SCRN1: variants seen among roughly 807,000 people sequenced by gnomAD.
SCRN1 encodes secernin-1.
A neutral mutation model predicts 43.3 loss-of-function variants in SCRN1; 19 were observed. The ratio of observed to expected loss-of-function variants is 0.44; its 90% CI spans 0.31 to 0.64. The LOEUF (loss-of-function observed/expected upper bound fraction) is 0.64, where lower values mean the gene tolerates loss of function less well. SCRN1 is among the 30% of genes least tolerant of loss of function. The pLI is 0.09. For missense variants in SCRN1, 447 were observed against 524.1 expected (o/e 0.85, Z 1.44); for synonymous variants, 183 against 188.9 (o/e 0.97, Z 0.26).
At chr7:29,971,109 A>C (rs1788653971) in intron 1 of SCRN1, among the ~76,000 whole-genome samples, 2 of 152,162 alleles carry the variant, frequency 1.3e-5, no homozygotes, top group South Asian at 4.1e-4. Context: ...ACAAGTCTGA[A>C]ATATAAGTGA....
At chr7:29,937,301 T>C (rs1006754878) in intron 5 of SCRN1, among the ~76,000 whole-genome samples, 5 of 152,236 alleles carry the variant, frequency 3.3e-5, no homozygotes, top group African/African-American at 1.2e-4. Flanking sequence ...AAACAAGGTA[T>C]GTTTGCCTTT....
At chr7:29,979,135 C>T (rs937485425) in intron 1 of SCRN1, among the ~76,000 whole-genome samples, 7 of 152,220 alleles carry the variant, frequency 4.6e-5, no homozygotes, top group East Asian at 3.9e-4. Context: ...GAGGCTGAGG[C>T]GGGCGGGTCA....
At chr7:29,986,717 A>ATTTTTTTTTTTTTTTTTTTTTTTTTT (rs553845779) in intron 1 of SCRN1, among the ~76,000 whole-genome samples, 1 of 99,852 alleles carries the variant, frequency 1.0e-5, no homozygotes, top group Non-Finnish European at 1.9e-5. Flanking sequence ...AATTTTTTTA[A>ATTTTTTTTTTTTTTTTTTTTTTTTTT]TTTTTTTTTT....
intron 2 of SCRN1, among the ~76,000 whole-genome samples, chr7:29,967,688 C>A (rs1405177394): frequency 3.3e-5 from 5 of 152,184 alleles, no homozygotes; most frequent in African/African-American, 1.2e-4. Context: ...TACTACTTAA[C>A]ATAAAACCCG....
intron 2 of SCRN1, among the ~76,000 whole-genome samples, chr7:29,962,116 A>C (rs1359159854): frequency 6.7e-6 from 1 of 150,194 alleles, no homozygotes; most frequent in African/African-American, 2.4e-5. Flanking sequence ...TTTTCTGAGA[A>C]TATAACCACC....
intron 1 of SCRN1, chr7:29,970,059 A>C: frequency 5.8e-6 from 2 of 341,956 alleles, no homozygotes; most frequent in Non-Finnish European, 1.2e-5. Context: ...CCACTACAAT[A>C]ACTTCCGGAG....
intron 1 of SCRN1, among the ~76,000 whole-genome samples, chr7:29,974,204 C>T (rs1562821707): frequency 6.6e-6 from 1 of 152,198 alleles, no homozygotes; most frequent in African/African-American, 2.4e-5. Flanking sequence ...GAGAGAATAG[C>T]AATTTAGGAA....
chr7:29,982,505 C>T (rs1789019420), intron 1 of SCRN1, among the ~76,000 whole-genome samples: 1 of 151,734 alleles, frequency 6.6e-6, no homozygotes, highest in Non-Finnish European at 1.5e-5. Context: ...CCCAAGGAGA[C>T]CCTATCTCTA....
At position 29,923,839 on chromosome 7, in the gene SCRN1, A is replaced by G; in HGVS notation, c.*118T>C. Reference sequence around the variant, plus strand: ...CAAGGTAACAGTTTGATCTGGCTTCAGAAAAGGAGGCCACATATTAACTTT... The same window carrying G: ...CAAGGTAACAGTTTGATCTGGCTTCGGAAAAGGAGGCCACATATTAACTTT... On this transcript the variant is annotated 3_prime_UTR_variant, in exon 8 of 8. Transcript: ENST00000242059. 3 of 1,122,892 alleles carry G rather than the reference A, an allele frequency of 2.7e-6. No individual in the cohort carries two copies. In the South Asian group the frequency reaches 4.5e-5, roughly 17 times the overall value. The allele number at this position is 1,122,892 out of a possible 1,614,324, so 69.6% of individuals were successfully genotyped here. A position where few individuals can be genotyped will look rare whatever the true frequency, so the allele number is the denominator to read the frequency against.
intron 4 of SCRN1, among the ~76,000 whole-genome samples, chr7:29,942,994 G>C (rs775972947): frequency 1.3e-5 from 2 of 152,050 alleles, no homozygotes; most frequent in Non-Finnish European, 2.9e-5. Flanking sequence ...CTTCTAACTC[G>C]GGTCAAATTT....
At chr7:29,947,096 G>T in intron 3 of SCRN1, 1 of 1,401,092 alleles carries the variant, frequency 7.1e-7, no homozygotes, top group Non-Finnish European at 9.6e-7. Context: ...CAGGGAAGGG[G>T]AAGAAACTCA....
At chr7:29,959,250 T>C (rs996158509) in intron 2 of SCRN1, among the ~76,000 whole-genome samples, 3 of 152,090 alleles carry the variant, frequency 2.0e-5, no homozygotes, top group African/African-American at 7.3e-5. Context: ...GCAAAAACCA[T>C]TGTGAGATGA....
chr7:29,957,868 T>A (rs1583677195), intron 2 of SCRN1, among the ~76,000 whole-genome samples: 1 of 152,114 alleles, frequency 6.6e-6, no homozygotes, highest in South Asian at 2.1e-4. Context: ...CTGTGCCATG[T>A]GGGGGAGCTG....
intron 2 of SCRN1, among the ~76,000 whole-genome samples, chr7:29,958,718 A>T (rs1475241907): frequency 6.6e-6 from 1 of 152,258 alleles, no homozygotes; most frequent in African/African-American, 2.4e-5. Flanking sequence ...AGAGATGAGC[A>T]ATTGGTCTTT....
intron 3 of SCRN1, among the ~76,000 whole-genome samples, chr7:29,954,263 A>T (rs1267558442): frequency 6.6e-6 from 1 of 152,154 alleles, no homozygotes; most frequent in Admixed American, 6.5e-5. Flanking sequence ...TAACTGAGAC[A>T]TAGAGAGGAA....
intron 1 of SCRN1, 170 bp from the exon 2 acceptor site, chr7:29,969,238 A>G: frequency 1.5e-6 from 1 of 682,884 alleles, no homozygotes; most frequent in Admixed American, 2.9e-5. Context: ...CTGCAGTGGA[A>G]TGACAGAGCC....
At chr7:29,944,482 G>A (rs1156945633) in intron 3 of SCRN1, among the ~76,000 whole-genome samples, 1 of 151,904 alleles carries the variant, frequency 6.6e-6, no homozygotes, top group African/African-American at 2.4e-5. Flanking sequence ...GCAACATAGC[G>A]AGACCTCTTC....
At chr7:29,960,040 A>T (rs1357883341) in intron 2 of SCRN1, among the ~76,000 whole-genome samples, 1 of 150,026 alleles carries the variant, frequency 6.7e-6, no homozygotes. Flanking sequence ...GGAGGGAGGA[A>T]ATCTGTCCAG....
chr7:29,938,005 C>T (rs552895449), intron 5 of SCRN1, among the ~76,000 whole-genome samples: 141 of 152,134 alleles, frequency 9.3e-4, no homozygotes, highest in African/African-American at 3.1e-3. Context: ...GAATTGGAAA[C>T]GTCTCTGCCT....
Sources: gnomAD v4.1 joint callset for allele counts (sites outside exome capture counted in the v4.1 genomes callset) on GRCh38, gnomAD v4.1.1 for gene constraint, MANE v1.5 for transcripts, NCBI Gene and HGNC (gene_info 2026-07-23, HGNC 2026-07-21) for gene names.